The following HS6ST3 variants were observed in gnomAD, a reference collection of about 807,000 sequenced individuals.
HS6ST3 encodes the protein heparan-sulfate 6-O-sulfotransferase 3.
Under a neutral mutation model 36.7 loss-of-function variants are expected in HS6ST3, and 12 were observed. That is an observed-to-expected ratio of 0.33 (90% CI 0.21 to 0.53). The LOEUF is 0.53. Ranked by LOEUF, HS6ST3 falls within the 20% of genes least tolerant of loss-of-function variation. The pLI is 0.95. For missense variants in HS6ST3, 584 were observed against 640.9 expected (o/e 0.91, Z 0.96); for synonymous variants, 240 against 257.5 (o/e 0.93, Z 0.65).
At chr13:96,519,474 A>G (rs1003133267) in intron 1 of HS6ST3, among the ~76,000 whole-genome samples, 1 of 152,198 alleles carries the variant, frequency 6.6e-6, no homozygotes, top group Non-Finnish European at 1.5e-5. Context: ...GAACAAATGG[A>G]TGGGTGTTTC....
chr13:96,393,957 G>A (rs2055408382), intron 1 of HS6ST3, among the ~76,000 whole-genome samples: 1 of 152,208 alleles, frequency 6.6e-6, no homozygotes, highest in South Asian at 2.1e-4. Flanking sequence ...CATGATGCCA[G>A]AAAATGGTTC....
chr13:96,491,084 T>A (rs572843609), intron 1 of HS6ST3, among the ~76,000 whole-genome samples: 4 of 152,202 alleles, frequency 2.6e-5, no homozygotes, highest in African/African-American at 4.8e-5. Flanking sequence ...GTTCTTAACA[T>A]GATTTGCCTT....
chr13:96,373,368 A>G (rs1270468918), intron 1 of HS6ST3, among the ~76,000 whole-genome samples: 1 of 152,180 alleles, frequency 6.6e-6, no homozygotes. Flanking sequence ...AAATATTCCA[A>G]TATCTGGAGA....
chr13:96,493,318 T>A (rs905173192), intron 1 of HS6ST3, among the ~76,000 whole-genome samples: 2 of 152,186 alleles, frequency 1.3e-5, no homozygotes, highest in African/African-American at 4.8e-5. Context: ...GATTTCAAAG[T>A]AATACTCTAA....
chr13:96,473,726 G>A (rs1007124061), intron 1 of HS6ST3, among the ~76,000 whole-genome samples: 30 of 152,272 alleles, frequency 2.0e-4, no homozygotes, highest in Middle Eastern at 3.4e-3. Flanking sequence ...GAATAGGAAG[G>A]TCGAGTCGGG....
intron 1 of HS6ST3, among the ~76,000 whole-genome samples, chr13:96,299,224 T>C (rs1278583766): frequency 1.3e-5 from 2 of 152,198 alleles, no homozygotes; most frequent in African/African-American, 4.8e-5. Context: ...AATGAAAATA[T>C]GGTGACACAA....
chr13:96,112,607 AT>A (rs2053875440), intron 1 of HS6ST3, among the ~76,000 whole-genome samples: 1 of 99,442 alleles, frequency 1.0e-5, no homozygotes, highest in South Asian at 3.4e-4. Flanking sequence ...ATATATATAT[AT>A]ATATATATAT....
chr13:96,808,585 A>G (rs1194859944), intron 1 of HS6ST3, among the ~76,000 whole-genome samples: 3 of 152,208 alleles, frequency 2.0e-5, no homozygotes, highest in Non-Finnish European at 4.4e-5. Flanking sequence ...TGTTGTTTTT[A>G]GTCATGGAGA....
At chr13:96,096,580 G>A (rs1167971069) in intron 1 of HS6ST3, among the ~76,000 whole-genome samples, 8 of 152,126 alleles carry the variant, frequency 5.3e-5, no homozygotes, top group Non-Finnish European at 4.4e-5. Flanking sequence ...TTCTACCAAG[G>A]AAACTTTTTG....
At chr13:96,403,125 T>C (rs940940848) in intron 1 of HS6ST3, among the ~76,000 whole-genome samples, 2 of 152,186 alleles carry the variant, frequency 1.3e-5, no homozygotes, top group Non-Finnish European at 2.9e-5. Flanking sequence ...TTCATTTCCA[T>C]TTCCCTGTTA....
intron 1 of HS6ST3, among the ~76,000 whole-genome samples, chr13:96,330,945 G>A (rs1365013716): frequency 9.7e-5 from 14 of 143,872 alleles, no homozygotes; most frequent in Admixed American, 2.1e-4. Context: ...ATCTTCCATC[G>A]CTGATACCCT....
At chr13:96,114,171 T>C (rs1379102966) in intron 1 of HS6ST3, among the ~76,000 whole-genome samples, 2 of 151,894 alleles carry the variant, frequency 1.3e-5, no homozygotes, top group Non-Finnish European at 2.9e-5. Context: ...TCTTTTCTAG[T>C]GACAGGATCA....
At chr13:96,186,104 A>G (rs1037255939) in intron 1 of HS6ST3, among the ~76,000 whole-genome samples, 1 of 152,240 alleles carries the variant, frequency 6.6e-6, no homozygotes, top group African/African-American at 2.4e-5. Context: ...GTATATGTAC[A>G]TTATAAACAT....
chr13:96,607,091 C>T (rs1195946833), intron 1 of HS6ST3, among the ~76,000 whole-genome samples: 2 of 152,150 alleles, frequency 1.3e-5, no homozygotes, highest in Non-Finnish European at 2.9e-5. Context: ...AAGCTGCCTA[C>T]TGAAAGAGTA....
chr13:96,212,683 T>C (rs1423943758), intron 1 of HS6ST3, among the ~76,000 whole-genome samples: 1 of 152,118 alleles, frequency 6.6e-6, no homozygotes, highest in African/African-American at 2.4e-5. Flanking sequence ...TTCTAGAGTT[T>C]ATGTTATTTT....
intron 1 of HS6ST3, among the ~76,000 whole-genome samples, chr13:96,559,289 TTGTATTTTTAATAGAGA>T (rs1395605998): frequency 6.6e-6 from 1 of 152,028 alleles, no homozygotes; most frequent in Non-Finnish European, 1.5e-5. Context: ...TGGCTAATTT[TTGTATTTTTAATAGAGA>T]TGAGGTTTCA....
chr13:96,481,273 T>C (rs1053391822), intron 1 of HS6ST3, among the ~76,000 whole-genome samples: 1 of 152,150 alleles, frequency 6.6e-6, no homozygotes, highest in Non-Finnish European at 1.5e-5. Flanking sequence ...TAGAAAGTGA[T>C]AATTTTTTAA....
chr13:96,584,488 T>C (rs905760071), intron 1 of HS6ST3, among the ~76,000 whole-genome samples: 1 of 152,180 alleles, frequency 6.6e-6, no homozygotes, highest in African/African-American at 2.4e-5. Context: ...ACTTAATATG[T>C]AGAAGATTTG....
At chr13:96,103,572 T>C (rs1297247823) in intron 1 of HS6ST3, among the ~76,000 whole-genome samples, 2 of 152,200 alleles carry the variant, frequency 1.3e-5, no homozygotes, top group South Asian at 2.1e-4. Flanking sequence ...TCCTGTTTTT[T>C]TGGAGTTGTG....
Sources: gnomAD v4.1 joint callset for allele counts (sites outside exome capture counted in the v4.1 genomes callset) on GRCh38, gnomAD v4.1.1 for gene constraint, MANE v1.5 for transcripts, NCBI Gene and HGNC (gene_info 2026-07-23, HGNC 2026-07-21) for gene names.